LPAR3: variants seen among roughly 807,000 people sequenced by gnomAD.
The protein encoded by LPAR3 is LPA receptor 3.
Under a neutral mutation model 17.8 loss-of-function variants are expected in LPAR3, and 7 were observed. That is an observed-to-expected ratio of 0.39 (90% CI 0.22 to 0.74). The LOEUF is 0.74. Ranked by LOEUF, LPAR3 falls within the 30% of genes least tolerant of loss-of-function variation. The probability of loss-of-function intolerance (pLI) is 0.40; values close to 1 mark genes in which losing one functional copy is unlikely to be tolerated. For missense variants in LPAR3, 391 were observed against 453.4 expected (o/e 0.86, Z 1.25); for synonymous variants, 179 against 179.9 (o/e 0.99, Z 0.04).
intron 1 of LPAR3, among the ~76,000 whole-genome samples, chr1:84,872,413 C>T (rs571107193): frequency 6.6e-6 from 1 of 152,202 alleles, no homozygotes; most frequent in Admixed American, 6.5e-5. Context: ...CAGTCAGGGT[C>T]GTTCTGAAGG....
Position 84,842,984 on chromosome 1 carries a change from G to A in LPAR3, c.736+22401C>T, listed in dbSNP as rs547340019. 1.2e-4 allele frequency among the ~76,000 whole-genome samples: 19 copies of A among 152,318 alleles called. No homozygotes were observed. In the South Asian group the frequency reaches 1.5e-3, roughly 12 times the overall value. ...GTGCTTCAGTCCCTGTAAGCATTCC[G>A]TCAAGGCAATTTCAATCCTCCCCTT... is the stretch of plus-strand genomic sequence containing the variant. On this transcript the variant is annotated intron_variant, in intron 2 of 2. Transcript: ENST00000370611.
chr1:84,867,794 T>A (rs1402789196), intron 1 of LPAR3, among the ~76,000 whole-genome samples: 2 of 152,130 alleles, frequency 1.3e-5, no homozygotes, highest in Non-Finnish European at 2.9e-5. Context: ...ATCAAATAAA[T>A]TCATGATAAT....
At chr1:84,864,116 G>T (rs1659992584) in intron 2 of LPAR3, among the ~76,000 whole-genome samples, 1 of 151,980 alleles carries the variant, frequency 6.6e-6, no homozygotes, top group African/African-American at 2.4e-5. Flanking sequence ...GGAGGCTGAG[G>T]TAGAAGGATC....
At chr1:84,859,925 G>C (rs1296551634) in intron 2 of LPAR3, among the ~76,000 whole-genome samples, 1 of 152,230 alleles carries the variant, frequency 6.6e-6, no homozygotes, top group South Asian at 2.1e-4. Flanking sequence ...GGGGTTTCTT[G>C]TGTGTTTGGT....
At position 84,839,087 on chromosome 1, in the gene LPAR3, C is replaced by T. The variant is rs568275023; in HGVS notation, c.737-24916G>A. Among the ~76,000 whole-genome samples, 3 of 152,338 alleles carry T rather than the reference C, an allele frequency of 2.0e-5. No individual in the cohort carries two copies. In the South Asian group the frequency reaches 6.2e-4, roughly 32 times the overall value. ...TATGCATTCTGCCATTTAACCCTCA[C>T]ATCAACCCTCCGAGGTAGGTATTAT... is the stretch of plus-strand genomic sequence containing the variant. On this transcript the variant is annotated intron_variant, in intron 2 of 2. Transcript: ENST00000370611.
At position 84,854,484 on chromosome 1, in the gene LPAR3, A is replaced by G. The variant is rs117747105; in HGVS notation, c.736+10901T>C. Among the ~76,000 whole-genome samples the G allele has an allele frequency of 3.6e-3, 549 of 152,284 alleles. 5 individuals are homozygous for G. Among genetic ancestry groups the G allele is most frequent in the South Asian group, 0.03 (146 of 4,826 alleles). On this transcript the variant is annotated intron_variant, in intron 2 of 2. Coordinates refer to ENST00000370611, the MANE Select transcript of LPAR3 (RefSeq NM_012152.3). Reference sequence around the variant, plus strand: ...GGAAATAGGGTTCTCTATTAGTCACACACAGGAAAAGCCACACAGAACAGG... The same window carrying G: ...GGAAATAGGGTTCTCTATTAGTCACGCACAGGAAAAGCCACACAGAACAGG...
Position 84,865,748 on chromosome 1 carries a change from C to A in LPAR3, c.373G>T (p.Val125Leu). Residue 125 changes from valine to leucine, a missense_variant, in exon 2 of 3, where the codon GTG (valine) becomes TTG (leucine). By Grantham distance (32) the Val-to-Leu change is conservative. Transcript: ENST00000370611. ...ASLTNLLVIA[V>L]ERHMSIMRMR... ...CTCATGATTGACATGTGCCTCTCCA[C>A]GGCGATAACCAGCAAGTTGGTGAGG... 6.2e-7 allele frequency: 1 copy of A among 1,614,194 alleles called. No individual in the cohort carries two copies. The highest frequency in any genetic ancestry group is 8.5e-7 in the Non-Finnish European group (1 of 1,180,044).
intron 1 of LPAR3, among the ~76,000 whole-genome samples, chr1:84,891,916 T>C (rs1229080790): frequency 6.6e-6 from 1 of 151,924 alleles, no homozygotes; most frequent in Non-Finnish European, 1.5e-5. Context: ...AATTACTCAG[T>C]TTAAAAAACT....
intron 1 of LPAR3, among the ~76,000 whole-genome samples, chr1:84,870,204 TCTGA>T (rs1660133303): frequency 6.6e-6 from 1 of 152,258 alleles, no homozygotes; most frequent in South Asian, 2.1e-4. Flanking sequence ...AAGATACTTT[TCTGA>T]CTAATTCAAG....
intron 2 of LPAR3, among the ~76,000 whole-genome samples, chr1:84,848,495 G>C (rs144385872): frequency 2.2e-4 from 34 of 152,268 alleles, no homozygotes; most frequent in African/African-American, 7.7e-4. Context: ...ATATTCTCCA[G>C]GCTCACCCAA....
chr1:84,885,061 C>T (rs1660432580), intron 1 of LPAR3, among the ~76,000 whole-genome samples: 1 of 152,182 alleles, frequency 6.6e-6, no homozygotes, highest in South Asian at 2.1e-4. Flanking sequence ...AGGGCCAATC[C>T]TCTCCTCCTC....
intron 2 of LPAR3, among the ~76,000 whole-genome samples, chr1:84,822,499 C>A (rs1199190418): frequency 6.6e-6 from 1 of 152,024 alleles, no homozygotes; most frequent in African/African-American, 2.4e-5. Flanking sequence ...TGGTGACAAG[C>A]GAAGTAAAAG....
chr1:84,891,160 TA>T (rs546045989), intron 1 of LPAR3, among the ~76,000 whole-genome samples: 140 of 144,512 alleles, frequency 9.7e-4, no homozygotes, highest in African/African-American at 1.3e-3. Context: ...TCTGATCTGA[TA>T]AAAAAAAAAA....
chr1:84,864,224 A>C (rs954975327), intron 2 of LPAR3, among the ~76,000 whole-genome samples: 18 of 144,098 alleles, frequency 1.2e-4, no homozygotes, highest in Non-Finnish European at 2.2e-4. Flanking sequence ...AAAAAAAAAA[A>C]CAAAAAACAA....
chr1:84,874,157 G>C (rs764877094), intron 1 of LPAR3, among the ~76,000 whole-genome samples: 1 of 152,196 alleles, frequency 6.6e-6, no homozygotes, highest in African/African-American at 2.4e-5. Flanking sequence ...GAGGTTCCAA[G>C]AGGAGAAGCC....
chr1:84,817,633 C>T (rs887996836), intron 2 of LPAR3, among the ~76,000 whole-genome samples: 32 of 151,968 alleles, frequency 2.1e-4, no homozygotes, highest in African/African-American at 7.5e-4. Context: ...GCTGTTCTGT[C>T]GAAGAACATT....
chr1:84,890,924 C>G (rs1266342605), intron 1 of LPAR3, among the ~76,000 whole-genome samples: 1 of 152,150 alleles, frequency 6.6e-6, no homozygotes, highest in African/African-American at 2.4e-5. Context: ...TGTCTGGGTG[C>G]TGCCTGGCTA....
In LPAR3 at chr1:84,826,408, G is replaced by A. The variant is rs1459633439; in HGVS notation, c.737-12237C>T. ...TTTCTAGCTGACATTTTCTTTGAAT[G>A]GTTGACAGAACTTATTTTTTTAATC... On this transcript the variant is annotated intron_variant, in intron 2 of 2. Coordinates refer to ENST00000370611, the MANE Select transcript of LPAR3 (RefSeq NM_012152.3). Among the ~76,000 whole-genome samples the A allele has an allele frequency of 2.0e-5, 3 of 151,706 alleles. No individual in the cohort carries two copies. In the East Asian group the frequency reaches 5.8e-4, roughly 29 times the overall value.
intron 2 of LPAR3, among the ~76,000 whole-genome samples, chr1:84,843,621 C>A (rs1335395813): frequency 6.6e-6 from 1 of 152,356 alleles, no homozygotes; most frequent in Admixed American, 6.5e-5. Flanking sequence ...GGCAGAGACT[C>A]GCTGATGGAT....
Sources: gnomAD v4.1 joint callset for allele counts (sites outside exome capture counted in the v4.1 genomes callset) on GRCh38, gnomAD v4.1.1 for gene constraint, MANE v1.5 for transcripts, NCBI Gene and HGNC (gene_info 2026-07-23, HGNC 2026-07-21) for gene names.